CPM: variants seen among roughly 807,000 people sequenced by gnomAD.
CPM encodes carboxypeptidase M, also known as renal carboxypeptidase.
Under a neutral mutation model 46.4 loss-of-function variants are expected in CPM, and 35 were observed. That is an observed-to-expected ratio of 0.75 (90% CI 0.58 to 1.00). The LOEUF is 1.00. Ranked by LOEUF, CPM falls within the 50% of genes least tolerant of loss-of-function variation. The pLI is 0.00. For missense variants in CPM, 422 were observed against 530.4 expected (o/e 0.80, Z 2.01); for synonymous variants, 195 against 195.3 (o/e 1.00, Z 0.01).
At chr12:68,870,539 T>G (rs1380200681) in intron 4 of CPM, 140 bp from the exon 5 acceptor site, 1 of 693,674 alleles carries the variant, frequency 1.4e-6, no homozygotes, top group Non-Finnish European at 2.4e-6. Flanking sequence ...CCTTGTGGCC[T>G]GCCATGACCC....
At chr12:68,897,811 T>C (rs1228430704) in intron 2 of CPM, among the ~76,000 whole-genome samples, 3 of 152,086 alleles carry the variant, frequency 2.0e-5, no homozygotes, top group Non-Finnish European at 4.4e-5. Flanking sequence ...GGTTTCTTTT[T>C]TTACAGTATG....
intron 2 of CPM, among the ~76,000 whole-genome samples, chr12:68,901,097 A>G (rs1887093123): frequency 6.6e-6 from 1 of 152,142 alleles, no homozygotes; most frequent in South Asian, 2.1e-4. Context: ...CTTCCTCTCA[A>G]TTTTGCTTTA....
chr12:68,950,578 A>T (rs1489210545), intron 1 of CPM, among the ~76,000 whole-genome samples: 2 of 152,172 alleles, frequency 1.3e-5, no homozygotes, highest in Non-Finnish European at 2.9e-5. Flanking sequence ...TATGCTCAGA[A>T]GGTCAGTCCA....
chr12:68,864,955 C>G (rs1191933798), intron 7 of CPM, among the ~76,000 whole-genome samples: 7 of 152,174 alleles, frequency 4.6e-5, no homozygotes, highest in Non-Finnish European at 1.0e-4. Flanking sequence ...GTTCAAGGTA[C>G]AGTGGGCAAT....
downstream of CPM, chr12:68,849,785 G>A (rs966090346): frequency 4.6e-5 from 7 of 150,826 alleles, no homozygotes; most frequent in African/African-American, 1.7e-4. Context: ...GCAAATTTTT[G>A]TATTTTCAGT....
intron 2 of CPM, among the ~76,000 whole-genome samples, chr12:68,903,156 G>GA (rs1212943103): frequency 6.6e-6 from 1 of 152,190 alleles, no homozygotes; most frequent in Non-Finnish European, 1.5e-5. Context: ...TGCTCACAAA[G>GA]AAACTTGAAC....
At chr12:68,963,432 G>C (rs1889155085), upstream of CPM, 1 of 152,246 alleles carries the variant, frequency 6.6e-6, no homozygotes, top group African/African-American at 2.4e-5. Context: ...CACATTAAAT[G>C]CATTTGTATG....
intron 7 of CPM, among the ~76,000 whole-genome samples, chr12:68,859,886 G>A (rs1885134690): frequency 6.6e-6 from 1 of 152,114 alleles, no homozygotes; most frequent in Non-Finnish European, 1.5e-5. Context: ...GTCACATCTA[G>A]TTTGTTTACT....
chr12:68,845,052 G>C (rs1334219253), intron 5 of CPM: 1 of 209,046 alleles, frequency 4.8e-6, no homozygotes, highest in African/African-American at 2.3e-5. Flanking sequence ...ACAGGCGTGA[G>C]CCGCCACGCC....
At chr12:68,936,795 G>T (rs965776895), upstream of CPM, among the ~76,000 whole-genome samples, 2 of 152,132 alleles carry the variant, frequency 1.3e-5, no homozygotes, top group Non-Finnish European at 2.9e-5. Flanking sequence ...CCTTATAAAG[G>T]TTATAAGAAG....
chr12:68,958,467 C>T (rs1220631700), intron 1 of CPM, among the ~76,000 whole-genome samples: 2 of 152,226 alleles, frequency 1.3e-5, no homozygotes, highest in South Asian at 4.2e-4. Context: ...AATGAAACCA[C>T]CTTACACTGT....
At chr12:68,926,769 T>C (rs1356927326) in intron 2 of CPM, among the ~76,000 whole-genome samples, 1 of 151,790 alleles carries the variant, frequency 6.6e-6, no homozygotes. Flanking sequence ...GTGTCCAATG[T>C]GTTCTCATTG....
intron 2 of CPM, among the ~76,000 whole-genome samples, chr12:68,917,703 A>G (rs1253932893): frequency 6.6e-6 from 1 of 152,208 alleles, no homozygotes; most frequent in Non-Finnish European, 1.5e-5. Context: ...AAATATATCA[A>G]GACAGTATCA....
intron 1 of CPM, among the ~76,000 whole-genome samples, chr12:68,961,967 A>G (rs113323082): frequency 0.021 from 3,182 of 152,044 alleles, 109 homozygotes; most frequent in African/African-American, 0.071. Context: ...TTGGGAGGCC[A>G]AGGCGGGCGG....
At chr12:68,933,108 A>C in intron 1 of CPM, 34 bp downstream of exon 1, 1 of 354,790 alleles carries the variant, frequency 2.8e-6, no homozygotes, top group Non-Finnish European at 5.2e-6. Flanking sequence ...CAGCTGCCAC[A>C]GCTGCGCCCG....
chr12:68,856,189 AATTT>A lies in CPM; in HGVS notation c.*244_*247del. On this transcript the variant is annotated 3_prime_UTR_variant, in exon 9 of 9. Coordinates refer to ENST00000551568, the MANE Select transcript of CPM (RefSeq NM_198320.5). ...CACATTTTAAGACTACTTCAAGATT[AATTT>A]GAGTGTAAATGAGCAGTACTTGTTA... The A allele has an allele frequency of 2.2e-6, 1 of 446,556 alleles. No homozygotes were observed. The highest frequency in any genetic ancestry group is 3.9e-6 in the Non-Finnish European group (1 of 253,622). The allele number at this position is 446,556 out of a possible 1,614,324, so 27.7% of individuals were successfully genotyped here.
chr12:68,879,508 T>TA (rs1214867147), intron 3 of CPM, among the ~76,000 whole-genome samples: 3 of 152,056 alleles, frequency 2.0e-5, no homozygotes, highest in Non-Finnish European at 4.4e-5. Context: ...GGACCACAGG[T>TA]ATGCACCACC....
At chr12:68,931,744 C>CAAAAAA (rs1230893187) in intron 2 of CPM, among the ~76,000 whole-genome samples, 21 of 36,010 alleles carry the variant, frequency 5.8e-4, no homozygotes, top group Non-Finnish European at 9.6e-4. Context: ...AGACTCTGAC[C>CAAAAAA]AAAAAAAAAA....
rs142163086 is a variant in CPM, at chr12:68,945,895, C to T, written c.-3-13055G>A. On this transcript the variant is annotated intron_variant, in intron 1 of 8. Coordinates refer to the CPM transcript ENST00000546373. Reference sequence around the variant, plus strand: ...TGAGACAGTGTCTCACTCTGTTGCCCAGGCTGGAGTGCAGTGGCATGATCA... The same window carrying T: ...TGAGACAGTGTCTCACTCTGTTGCCTAGGCTGGAGTGCAGTGGCATGATCA... Among the ~76,000 whole-genome samples, 199 of 143,410 alleles carry T rather than the reference C, an allele frequency of 1.4e-3. 1 individual carries two copies. The highest frequency in any genetic ancestry group is 5.0e-3 in the African/African-American group (188 of 37,762). The allele number at this position is 143,410 out of a possible 152,430, so 94.1% of individuals were successfully genotyped here.
Sources: gnomAD v4.1 joint callset for allele counts (sites outside exome capture counted in the v4.1 genomes callset) on GRCh38, gnomAD v4.1.1 for gene constraint, MANE v1.5 for transcripts, NCBI Gene and HGNC (gene_info 2026-07-23, HGNC 2026-07-21) for gene names.